The following RGS17 variants were observed in gnomAD, a reference collection of about 807,000 sequenced individuals.
RGS17 encodes regulator of G protein signaling 17, also known as regulator of G-protein signaling 17.
A neutral mutation model predicts 25.5 loss-of-function variants in RGS17; 12 were observed. The observed-to-expected ratio is 0.47, with a 90% CI of 0.30 to 0.76. The LOEUF (loss-of-function observed/expected upper bound fraction) is 0.76, where lower values mean the gene tolerates loss of function less well. Ranked by LOEUF, RGS17 falls within the 30% of genes least tolerant of loss-of-function variation. RGS17 has a pLI of 0.07. For missense variants in RGS17, 196 were observed against 242.2 expected (o/e 0.81, Z 1.27); for synonymous variants, 71 against 76.9 (o/e 0.92, Z 0.40).
chr6:153,037,292 A>G (rs573256004), intron 2 of RGS17, among the ~76,000 whole-genome samples: 4 of 152,164 alleles, frequency 2.6e-5, no homozygotes, highest in Non-Finnish European at 5.9e-5. Context: ...TAATTTTTGA[A>G]AAGAATTTCT....
At chr6:153,121,816 T>C (rs1777636353) in intron 1 of RGS17, among the ~76,000 whole-genome samples, 1 of 152,156 alleles carries the variant, frequency 6.6e-6, no homozygotes, top group Admixed American at 6.5e-5. Context: ...AATTTTAAAC[T>C]ATTTAACATA....
At position 153,086,543 on chromosome 6, in the gene RGS17, T is replaced by C. The variant is rs748930921; in HGVS notation, c.-25-42500A>G. Among the ~76,000 whole-genome samples the C allele has an allele frequency of 5.0e-4, 76 of 152,334 alleles. 1 individual carries two copies. Among genetic ancestry groups the C allele is most frequent in the Middle Eastern group, 3.4e-3 (1 of 294 alleles). On this transcript the variant is annotated intron_variant, in intron 1 of 4. Coordinates refer to ENST00000206262, the MANE Select transcript of RGS17 (RefSeq NM_012419.5). ...CCTACAATGTTGCTTCCAGAACAGGTATCTTCTTTCGATTCCATGTGCTTA... is the reference window on the plus strand; with the variant it reads ...CCTACAATGTTGCTTCCAGAACAGGCATCTTCTTTCGATTCCATGTGCTTA...
chr6:153,100,725 A>G (rs1777289619), intron 1 of RGS17, among the ~76,000 whole-genome samples: 1 of 152,222 alleles, frequency 6.6e-6, no homozygotes, highest in Non-Finnish European at 1.5e-5. Context: ...AGCCTAAAGC[A>G]GCCCCTTAAA....
At chr6:153,092,878 C>T (rs1264351530) in intron 1 of RGS17, among the ~76,000 whole-genome samples, 3 of 152,100 alleles carry the variant, frequency 2.0e-5, no homozygotes, top group African/African-American at 4.8e-5. Flanking sequence ...CTCTATGATT[C>T]GCTTTCATTT....
chr6:153,033,806 G>A (rs1005435625), intron 2 of RGS17, among the ~76,000 whole-genome samples: 31 of 152,102 alleles, frequency 2.0e-4, no homozygotes, highest in Non-Finnish European at 2.8e-4. Context: ...TTCTCACGTT[G>A]ATTAAAATCC....
chr6:153,060,439 T>C (rs529725304), intron 1 of RGS17, among the ~76,000 whole-genome samples: 26 of 152,274 alleles, frequency 1.7e-4, no homozygotes, highest in African/African-American at 6.3e-4. Flanking sequence ...TTTGGGAAGG[T>C]GCCCAGCACT....
rs1295279343 is a variant in RGS17 at position 153,089,001 on chromosome 6, T to C, written c.-26+42123A>G. Among the ~76,000 whole-genome samples the C allele has an allele frequency of 3.9e-5, 6 of 152,280 alleles. No homozygotes were observed. In the South Asian group the frequency reaches 1.0e-3, roughly 26 times the overall value. On this transcript the variant is annotated intron_variant, in intron 1 of 4. Coordinates refer to ENST00000206262, the MANE Select transcript of RGS17 (RefSeq NM_012419.5). ...TGATTTTCCCTGGAACACATCCTACTTTGTGTATTTTGTGACTATGTGTTT... is the reference window on the plus strand; with the variant it reads ...TGATTTTCCCTGGAACACATCCTACCTTGTGTATTTTGTGACTATGTGTTT...
At chr6:153,070,007 A>T (rs1776765047) in intron 1 of RGS17, among the ~76,000 whole-genome samples, 1 of 152,112 alleles carries the variant, frequency 6.6e-6, no homozygotes. Flanking sequence ...TCCAGGAAGT[A>T]TACAAGTGAT....
chr6:153,125,450 G>T (rs1777690915), intron 1 of RGS17, among the ~76,000 whole-genome samples: 1 of 152,118 alleles, frequency 6.6e-6, no homozygotes, highest in Non-Finnish European at 1.5e-5. Flanking sequence ...ATTTCTATTT[G>T]AAATAGATTT....
intron 1 of RGS17, among the ~76,000 whole-genome samples, chr6:153,088,145 G>A (rs1349583711): frequency 2.6e-5 from 4 of 152,112 alleles, no homozygotes; most frequent in Non-Finnish European, 4.4e-5. Context: ...TAACATCCAC[G>A]TAAGTGAGTT....
In RGS17 at chr6:153,120,949, C is replaced by T. The variant is rs190556495; in HGVS notation, c.-26+10175G>A. Among the ~76,000 whole-genome samples the T allele has an allele frequency of 6.2e-3, 937 of 152,238 alleles. 9 individuals are homozygous for T. Among genetic ancestry groups the T allele is most frequent in the South Asian group, 7.9e-3 (38 of 4,820 alleles). On this transcript the variant is annotated intron_variant, in intron 1 of 4. Coordinates refer to ENST00000206262, the MANE Select transcript of RGS17 (RefSeq NM_012419.5). ...CCTGGTCTAGCCATTTAAAATTAAT[C>T]TCATGCTGCTGAGTTCTCACAGCAT...
chr6:153,053,791 CA>C (rs1369971738), intron 1 of RGS17, among the ~76,000 whole-genome samples: 1 of 144,434 alleles, frequency 6.9e-6, no homozygotes, highest in Non-Finnish European at 1.5e-5. Context: ...GAGCCTGTCT[CA>C]AAAAAGAAAA....
intron 1 of RGS17, among the ~76,000 whole-genome samples, chr6:153,073,822 G>C (rs1007272401): frequency 2.6e-4 from 39 of 152,266 alleles, no homozygotes; most frequent in African/African-American, 8.7e-4. Context: ...CAGTCTCCTG[G>C]GACAGAGGAG....
At chr6:153,067,515 G>T (rs531506081) in intron 1 of RGS17, among the ~76,000 whole-genome samples, 1 of 152,070 alleles carries the variant, frequency 6.6e-6, no homozygotes, top group South Asian at 2.1e-4. Flanking sequence ...CATGCCAACA[G>T]CAAACAATCT....
chr6:153,123,576 T>C (rs1322467226), intron 1 of RGS17, among the ~76,000 whole-genome samples: 1 of 152,162 alleles, frequency 6.6e-6, no homozygotes, highest in Non-Finnish European at 1.5e-5. Context: ...TTTTAACAAG[T>C]TGATATTGGA....
At position 153,054,074 on chromosome 6, in the gene RGS17, A is replaced by ACG. The variant is rs1190373372; in HGVS notation, c.-25-10032_-25-10031insCG. 8.4e-3 allele frequency among the ~76,000 whole-genome samples: 423 copies of ACG among 50,328 alleles called. 4 individuals carry two copies. Among genetic ancestry groups the ACG allele is most frequent in the Non-Finnish European group, 0.011 (299 of 28,044 alleles). The allele number at this position is 50,328 out of a possible 152,430, so 33.0% of individuals were successfully genotyped here. A position where few individuals can be genotyped will look rare whatever the true frequency, so the allele number is the denominator to read the frequency against. Reference sequence around the variant, plus strand: ...ATGTATATAATATATATACATATATATATACACACAATATTTTTTATATAT... The same window carrying ACG: ...ATGTATATAATATATATACATATATACGTATACACACAATATTTTTTATATAT... On this transcript the variant is annotated intron_variant, in intron 1 of 4. Coordinates refer to ENST00000206262, the MANE Select transcript of RGS17 (RefSeq NM_012419.5).
At chr6:153,129,911 C>T (rs1312566799) in intron 1 of RGS17, among the ~76,000 whole-genome samples, 1 of 152,168 alleles carries the variant, frequency 6.6e-6, no homozygotes, top group Admixed American at 6.5e-5. Flanking sequence ...GGGCTCCGGG[C>T]GAGGCGCAGG....
intron 1 of RGS17, among the ~76,000 whole-genome samples, chr6:153,076,447 G>C (rs1009725408): frequency 6.6e-6 from 1 of 152,080 alleles, no homozygotes; most frequent in African/African-American, 2.4e-5. Context: ...CTTTCCACTG[G>C]AAAGTCTCAG....
chr6:153,021,753 G>C (rs951706008), intron 4 of RGS17, among the ~76,000 whole-genome samples: 1 of 152,082 alleles, frequency 6.6e-6, no homozygotes, highest in African/African-American at 2.4e-5. Flanking sequence ...ATTAAAGAAC[G>C]GGTAATGGCC....
Sources: gnomAD v4.1 joint callset for allele counts (sites outside exome capture counted in the v4.1 genomes callset) on GRCh38, gnomAD v4.1.1 for gene constraint, MANE v1.5 for transcripts, NCBI Gene and HGNC (gene_info 2026-07-23, HGNC 2026-07-21) for gene names.